FGF14: variants seen among roughly 807,000 people sequenced by gnomAD.
The protein encoded by FGF14 is fibroblast growth factor homologous factor 4.
In FGF14, 5 loss-of-function variants were observed where a neutral mutation model predicts 25.5. The ratio of observed to expected loss-of-function variants is 0.20; its 90% CI spans 0.10 to 0.41. FGF14 has a LOEUF of 0.41. FGF14 is among the 10% of genes least tolerant of loss of function. FGF14 has a pLI of 1.00. For missense variants in FGF14, 222 were observed against 320.1 expected, an observed-to-expected ratio of 0.69 and a Z score of 2.34; for synonymous variants, 138 against 118.3, an observed-to-expected ratio of 1.17 and a Z score of -1.08.
chr13:101,908,125 TAA>T (rs1321080994), intron 1 of FGF14, among the ~76,000 whole-genome samples: 1 of 152,068 alleles, frequency 6.6e-6, no homozygotes, highest in African/African-American at 2.4e-5. Context: ...ATGATCCAGT[TAA>T]GTGAAAATGG....
At chr13:101,765,353 G>C (rs1472588831) in intron 3 of FGF14, among the ~76,000 whole-genome samples, 3 of 152,180 alleles carry the variant, frequency 2.0e-5, no homozygotes, top group Non-Finnish European at 4.4e-5. Flanking sequence ...TTGCTTGGCT[G>C]CAACTGTAAA....
intron 1 of FGF14, among the ~76,000 whole-genome samples, chr13:102,383,583 T>C (rs555130590): frequency 6.6e-5 from 10 of 152,144 alleles, no homozygotes; most frequent in Non-Finnish European, 1.5e-4. Flanking sequence ...CCTAATCTGG[T>C]CCAATGAGTA....
chr13:101,887,780 G>A (rs1162899692), intron 1 of FGF14, among the ~76,000 whole-genome samples: 2 of 152,154 alleles, frequency 1.3e-5, no homozygotes, highest in South Asian at 2.1e-4. Context: ...TTGAGGCAAT[G>A]GATATCCTAG....
intron 1 of FGF14, among the ~76,000 whole-genome samples, chr13:102,351,134 G>A (rs2057266688): frequency 6.6e-6 from 1 of 151,954 alleles, no homozygotes; most frequent in Non-Finnish European, 1.5e-5. Context: ...CTTGCCTCAG[G>A]AAAATTATTC....
intron 3 of FGF14, among the ~76,000 whole-genome samples, chr13:101,734,145 T>C (rs1469245668): frequency 1.3e-5 from 2 of 152,090 alleles, no homozygotes; most frequent in African/African-American, 4.8e-5. Flanking sequence ...ACCTCAGACC[T>C]ACAGAATCAG....
intron 1 of FGF14, among the ~76,000 whole-genome samples, chr13:102,252,454 T>A (rs2052227420): frequency 6.6e-6 from 1 of 152,170 alleles, no homozygotes; most frequent in African/African-American, 2.4e-5. Context: ...GGGGACTGGT[T>A]CCAGGACCTC....
At chr13:102,130,609 A>C (rs1363220579) in intron 1 of FGF14, among the ~76,000 whole-genome samples, 1 of 152,202 alleles carries the variant, frequency 6.6e-6, no homozygotes. Context: ...TTCTGGAATT[A>C]GCCTGTGGAC....
intron 3 of FGF14, among the ~76,000 whole-genome samples, chr13:101,772,648 A>G (rs981290120): frequency 6.6e-6 from 1 of 152,126 alleles, no homozygotes; most frequent in Non-Finnish European, 1.5e-5. Context: ...AACCCAAATA[A>G]GGCTGAATTA....
chr13:101,862,637 T>C (rs2044480844), intron 3 of FGF14, among the ~76,000 whole-genome samples: 1 of 152,170 alleles, frequency 6.6e-6, no homozygotes, highest in Admixed American at 6.6e-5. Flanking sequence ...TTCTTGGACA[T>C]AACCAATTAC....
intron 3 of FGF14, among the ~76,000 whole-genome samples, chr13:101,835,547 A>G (rs2042882930): frequency 6.6e-6 from 1 of 151,834 alleles, no homozygotes. Flanking sequence ...TTTTGATATG[A>G]TTTTAGCTGT....
intron 4 of FGF14, chr13:101,723,201 A>C (rs1039359839): frequency 4.9e-5 from 26 of 534,800 alleles, no homozygotes; most frequent in Non-Finnish European, 3.7e-5. Context: ...ATGAGTGTGC[A>C]TGGATTTTTG....
chr13:101,831,086 T>C (rs2042646837), intron 3 of FGF14, among the ~76,000 whole-genome samples: 1 of 152,074 alleles, frequency 6.6e-6, no homozygotes, highest in Non-Finnish European at 1.5e-5. Flanking sequence ...GTAACAGTAA[T>C]AGGGTACATT....
intron 1 of FGF14, among the ~76,000 whole-genome samples, chr13:102,007,157 A>G (rs1343179066): frequency 6.6e-6 from 1 of 152,244 alleles, no homozygotes; most frequent in African/African-American, 2.4e-5. Context: ...TGTAATCCCC[A>G]GTGCAGCTAT....
At chr13:101,994,766 G>A (rs1041883417) in intron 1 of FGF14, among the ~76,000 whole-genome samples, 1 of 151,956 alleles carries the variant, frequency 6.6e-6, no homozygotes, top group South Asian at 2.1e-4. Context: ...TATATTTCAT[G>A]CTATCCCTTA....
chr13:101,772,978 T>G (rs1049199604), intron 3 of FGF14, among the ~76,000 whole-genome samples: 1 of 152,110 alleles, frequency 6.6e-6, no homozygotes, highest in Non-Finnish European at 1.5e-5. Context: ...AGATAGCAAA[T>G]GGACTATCAG....
At chr13:101,841,253 G>A (rs1057132556) in intron 3 of FGF14, among the ~76,000 whole-genome samples, 2 of 151,668 alleles carry the variant, frequency 1.3e-5, no homozygotes, top group African/African-American at 4.8e-5. Context: ...TATCCACCCC[G>A]AATACACTGT....
chr13:102,066,688 C>A (rs932324781), intron 1 of FGF14, among the ~76,000 whole-genome samples: 6 of 152,200 alleles, frequency 3.9e-5, no homozygotes, highest in African/African-American at 1.4e-4. Flanking sequence ...CAACTCTCTC[C>A]TTGTTCTTAG....
intron 1 of FGF14, among the ~76,000 whole-genome samples, chr13:101,904,938 A>C (rs908832215): frequency 6.6e-6 from 1 of 152,246 alleles, no homozygotes; most frequent in Non-Finnish European, 1.5e-5. Flanking sequence ...ATTGGGATGC[A>C]GAAAACAAAA....
chr13:102,327,878 G>T (rs1385159927), intron 1 of FGF14, among the ~76,000 whole-genome samples: 1 of 140,044 alleles, frequency 7.1e-6, no homozygotes, highest in African/African-American at 2.7e-5. Flanking sequence ...AGGATATCAA[G>T]AATTGACTCA....
Sources: gnomAD v4.1 joint callset for allele counts (sites outside exome capture counted in the v4.1 genomes callset) on GRCh38, gnomAD v4.1.1 for gene constraint, MANE v1.5 for transcripts, NCBI Gene and HGNC (gene_info 2026-07-23, HGNC 2026-07-21) for gene names.